The following EXOC2 variants were observed in gnomAD, a reference collection of about 807,000 sequenced individuals.
The protein encoded by EXOC2 is exocyst complex component 2.
EXOC2 carries 70 observed loss-of-function variants against 131.8 expected under a neutral mutation model. The observed-to-expected ratio is 0.53, with a 90% confidence interval of 0.44 to 0.65. The LOEUF (loss-of-function observed/expected upper bound fraction) is 0.65. Ranked by LOEUF, EXOC2 falls within the 30% of genes least tolerant of loss-of-function variation. The probability of loss-of-function intolerance (pLI) is 0.00; values close to 1 mark genes in which losing one functional copy is unlikely to be tolerated. For synonymous variants in EXOC2, 411 were observed against 398.4 expected (o/e 1.03, Z -0.38); for missense variants, 923 against 1,108.6 (o/e 0.83, Z 2.38).
chr6:691,091 C>T (rs760959875), intron 1 of EXOC2, among the ~76,000 whole-genome samples: 5 of 152,226 alleles, frequency 3.3e-5, no homozygotes, highest in Admixed American at 2.0e-4. Context: ...GAGAGGACAC[C>T]TCTGTAACCA....
intron 23 of EXOC2, among the ~76,000 whole-genome samples, chr6:527,001 T>C (rs1765783893): frequency 6.6e-6 from 1 of 152,242 alleles, no homozygotes; most frequent in Non-Finnish European, 1.5e-5. Flanking sequence ...ACATGGTATA[T>C]ATGCAATAAA....
At chr6:575,914 A>G (rs1260861105) in intron 12 of EXOC2, among the ~76,000 whole-genome samples, 1 of 152,220 alleles carries the variant, frequency 6.6e-6, no homozygotes, top group Non-Finnish European at 1.5e-5. Context: ...GAGAGGAATG[A>G]GAATCGGACA....
rs890453081 is a variant in EXOC2 at position 491,197 on chromosome 6, G to A, written c.2560-11C>T. The A allele has an allele frequency of 9.9e-6, 16 of 1,613,996 alleles. No homozygotes were observed. The highest frequency in any genetic ancestry group is 1.4e-5 in the Non-Finnish European group (16 of 1,179,950). ...GATTTCAAGTCTCGCCTGAAAATGA[G>A]AAAAAGACAAAGTGACAACAGGAAA... On this transcript the variant is annotated splice_polypyrimidine_tract_variant and intron_variant, in intron 25 of 27. Transcript: ENST00000230449.
chr6:557,738 G>A (rs913786861), intron 17 of EXOC2, among the ~76,000 whole-genome samples: 12 of 152,118 alleles, frequency 7.9e-5, no homozygotes, highest in Non-Finnish European at 1.8e-4. Context: ...TGCTGAGACG[G>A]GAAGGGGAAG....
chr6:641,991 C>T (rs1416009539), intron 1 of EXOC2, among the ~76,000 whole-genome samples: 2 of 152,140 alleles, frequency 1.3e-5, no homozygotes. Flanking sequence ...CTCCACATCC[C>T]GTTCAAAGCC....
intron 1 of EXOC2, among the ~76,000 whole-genome samples, chr6:659,814 T>C (rs1763331344): frequency 6.6e-6 from 1 of 152,126 alleles, no homozygotes; most frequent in African/African-American, 2.4e-5. Flanking sequence ...GAAGGAAATC[T>C]CTAACTGAAC....
At chr6:497,133 T>A (rs1378502071) in intron 25 of EXOC2, among the ~76,000 whole-genome samples, 2 of 152,208 alleles carry the variant, frequency 1.3e-5, no homozygotes. Context: ...GGATTCTGCA[T>A]TCAGATAATT....
At chr6:602,909 T>G (rs1278530368) in intron 7 of EXOC2, among the ~76,000 whole-genome samples, 1 of 152,226 alleles carries the variant, frequency 6.6e-6, no homozygotes, top group African/African-American at 2.4e-5. Context: ...CCAGTGATCT[T>G]ACATCCTTAA....
chr6:603,064 G>C (rs776546253), intron 7 of EXOC2, among the ~76,000 whole-genome samples: 5 of 152,078 alleles, frequency 3.3e-5, no homozygotes, highest in Non-Finnish European at 7.4e-5. Flanking sequence ...TGACCATTTG[G>C]TCCTTTCCTT....
At chr6:673,243 C>T (rs1763953424) in intron 1 of EXOC2, among the ~76,000 whole-genome samples, 1 of 80,960 alleles carries the variant, frequency 1.2e-5, no homozygotes, top group Non-Finnish European at 2.2e-5. Context: ...AAAAGTGAGA[C>T]TCCATAGCCA....
chr6:555,380 G>T, intron 19 of EXOC2, 92 bp from the exon 20 acceptor site: 1 of 732,184 alleles, frequency 1.4e-6, no homozygotes, highest in Non-Finnish European at 2.2e-6. Flanking sequence ...ACATAAAGTA[G>T]AATTATATAT....
At chr6:675,002 T>G (rs186501901) in intron 1 of EXOC2, among the ~76,000 whole-genome samples, 6 of 152,238 alleles carry the variant, frequency 3.9e-5, no homozygotes, top group African/African-American at 4.8e-5. Context: ...TCAGCTTGCC[T>G]ACCCTGCCTA....
intron 1 of EXOC2, among the ~76,000 whole-genome samples, chr6:663,191 C>A (rs1763496324): frequency 6.6e-6 from 1 of 152,048 alleles, no homozygotes; most frequent in Admixed American, 6.5e-5. Context: ...AATTAGAAAC[C>A]TAGAAGAGAT....
rs1425464946 is a variant in EXOC2, at chr6:556,581, A to G, written c.1852-17T>C. On this transcript the variant is annotated splice_polypyrimidine_tract_variant and intron_variant, in intron 17 of 27. Coordinates refer to ENST00000230449, the MANE Select transcript of EXOC2 (RefSeq NM_018303.6). Reference sequence around the variant, plus strand: ...CTGACATGGCTGAAGGGAAAACAGCATATTGTAAAACTCAAAAATGAGCAC... The same window carrying G: ...CTGACATGGCTGAAGGGAAAACAGCGTATTGTAAAACTCAAAAATGAGCAC... 3 of 1,613,866 alleles carry G rather than the reference A, an allele frequency of 1.9e-6. No homozygotes were observed. In the South Asian group the frequency reaches 3.3e-5, roughly 18 times the overall value.
rs188368630 is a variant in EXOC2, at chr6:667,631, G to A, written c.-44+25388C>T. On this transcript the variant is annotated intron_variant, in intron 1 of 27. Coordinates refer to ENST00000230449, the MANE Select transcript of EXOC2 (RefSeq NM_018303.6). ...TGCTCTTGAATCACCAGAATGCCAC[G>A]GTCTTCTGAGCTTTGGATTCCCAGG... Among the ~76,000 whole-genome samples, 198 of 96,912 alleles carry A rather than the reference G, an allele frequency of 2.0e-3. 71 individuals carry two copies. The highest frequency in any genetic ancestry group is 0.015 in the South Asian group (43 of 2,960). 63.6% of individuals were successfully genotyped at this position (96,912 alleles called of 152,430 possible). A position where few individuals can be genotyped will look rare whatever the true frequency, so the allele number is the denominator to read the frequency against.
intron 23 of EXOC2, among the ~76,000 whole-genome samples, chr6:518,409 C>T (rs2127518093): frequency 6.6e-6 from 1 of 152,322 alleles, no homozygotes; most frequent in South Asian, 2.1e-4. Context: ...ATGACTTGGA[C>T]TGTTTATTTG....
At chr6:505,866 A>T (rs1764519699) in intron 23 of EXOC2, among the ~76,000 whole-genome samples, 1 of 152,248 alleles carries the variant, frequency 6.6e-6, no homozygotes. Context: ...GGCAAAGACC[A>T]TGTCTGTCTT....
intron 21 of EXOC2, 78 bp downstream of exon 21, chr6:553,776 G>T: frequency 1.7e-6 from 2 of 1,179,102 alleles, no homozygotes; most frequent in Non-Finnish European, 2.5e-6. Flanking sequence ...AAGGATGCAG[G>T]AACACAGTCA....
rs1362909125 is a variant in EXOC2 at position 633,049 on chromosome 6, G to A, written c.187C>T (p.Arg63Ter). The A allele has an allele frequency of 1.9e-6, 3 of 1,614,074 alleles. No homozygotes were observed. Among genetic ancestry groups the A allele is most frequent in the Non-Finnish European group, 2.5e-6 (3 of 1,180,014 alleles). ...EWMSASKIVCRVGQAKNDKGD... is the reference protein window; with the variant it reads ...EWMSASKIVC ...TTGTCATTTTTGGCTTGTCCCACTC[G>A]ACATACTATTTTACTTGCAGACATC... The change falls in exon 3 of 28, where the codon CGA (arginine) becomes TGA (stop). Residue 63 changes from arginine to a stop codon, truncating the protein, a stop_gained. Transcript: ENST00000230449. LOFTEE classifies it high-confidence loss of function.
Sources: allele counts gnomAD v4.1 joint callset (sites outside exome capture counted in the v4.1 genomes callset), GRCh38; gene constraint gnomAD v4.1.1; transcripts MANE v1.5; gene names NCBI Gene and HGNC (gene_info 2026-07-23, HGNC 2026-07-21).